DCLK1: variants seen among roughly 807,000 people sequenced by gnomAD.
DCLK1 encodes serine/threonine-protein kinase DCLK1.
In DCLK1, 16 loss-of-function variants were observed where a neutral mutation model predicts 86.2. That is an observed-to-expected ratio of 0.19 (90% confidence interval 0.13 to 0.28). The LOEUF (loss-of-function observed/expected upper bound fraction) is 0.28, where lower values mean the gene tolerates loss of function less well. Among genes scored for constraint, DCLK1 ranks in the 10% least tolerant of loss-of-function variants. The pLI is 1.00. For missense variants in DCLK1, 590 were observed against 940.2 expected (o/e 0.63, Z 4.87); for synonymous variants, 369 against 370.5 (o/e 1.00, Z 0.05).
chr13:35,812,301 G>C (rs149064648), intron 11 of DCLK1, among the ~76,000 whole-genome samples: 4 of 143,806 alleles, frequency 2.8e-5, no homozygotes, highest in African/African-American at 1.1e-4. Flanking sequence ...TAAAAGGCTA[G>C]TAATTCCAGC....
intron 4 of DCLK1, among the ~76,000 whole-genome samples, chr13:35,883,768 G>A (rs1873059654): frequency 6.6e-6 from 1 of 152,172 alleles, no homozygotes; most frequent in Non-Finnish European, 1.5e-5. Flanking sequence ...TGGAGATGAT[G>A]AGGAGATAGA....
intron 3 of DCLK1, among the ~76,000 whole-genome samples, chr13:36,081,291 T>TA (rs1463183599): frequency 6.6e-6 from 1 of 152,110 alleles, no homozygotes; most frequent in East Asian, 1.9e-4. Context: ...TACTGTCTAA[T>TA]ATCATGAAGG....
In DCLK1 at chr13:35,774,430, A is replaced by T; in HGVS notation, c.*105T>A. 3.0e-6 allele frequency: 4 copies of T among 1,338,282 alleles called. No individual in the cohort carries two copies. The highest frequency in any genetic ancestry group is 4.1e-6 in the Non-Finnish European group (4 of 987,316). 82.9% of individuals were successfully genotyped at this position (1,338,282 alleles called of 1,614,324 possible). A position where few individuals can be genotyped will look rare whatever the true frequency, so the allele number is the denominator to read the frequency against. On this transcript the variant is annotated 3_prime_UTR_variant, in exon 17 of 17. Transcript: ENST00000360631. ...ACACTTTCAGTTCTGCCATTCAAGC[A>T]TTGAGCGCTAGATAGATCAGATGAA...
chr13:35,940,207 CA>C, intron 4 of DCLK1, among the ~76,000 whole-genome samples: 1 of 126,434 alleles, frequency 7.9e-6, no homozygotes, highest in African/African-American at 3.4e-5. Flanking sequence ...GGTGACACAG[CA>C]AGAGTCTGTC....
intron 3 of DCLK1, among the ~76,000 whole-genome samples, chr13:36,071,891 T>C (rs997917765): frequency 6.6e-6 from 1 of 152,156 alleles, no homozygotes; most frequent in African/African-American, 2.4e-5. Context: ...TTGTAAAAGC[T>C]GAGAGCTTGC....
chr13:36,064,071 C>T (rs919680860), intron 3 of DCLK1, among the ~76,000 whole-genome samples: 1 of 152,078 alleles, frequency 6.6e-6, no homozygotes, highest in South Asian at 2.1e-4. Context: ...TAAAAGTAAG[C>T]GAACACTGGG....
At chr13:35,791,815 T>G (rs1251769493) in intron 16 of DCLK1, among the ~76,000 whole-genome samples, 2 of 152,180 alleles carry the variant, frequency 1.3e-5, no homozygotes, top group African/African-American at 4.8e-5. Flanking sequence ...CTGTAAGCCC[T>G]TAGCAGGAGA....
intron 4 of DCLK1, among the ~76,000 whole-genome samples, chr13:35,907,440 G>A (rs985165120): frequency 6.6e-6 from 1 of 151,272 alleles, no homozygotes; most frequent in African/African-American, 2.4e-5. Flanking sequence ...TAGGATTACA[G>A]GCCTAAGCCA....
At chr13:35,886,577 T>C (rs142747406) in intron 4 of DCLK1, among the ~76,000 whole-genome samples, 106 of 152,310 alleles carry the variant, frequency 7.0e-4, no homozygotes, top group Admixed American at 5.9e-4. Flanking sequence ...AGAAATTCAA[T>C]TAAGTGCTGC....
intron 4 of DCLK1, among the ~76,000 whole-genome samples, chr13:35,911,362 C>A (rs913656191): frequency 2.6e-5 from 4 of 151,880 alleles, no homozygotes; most frequent in African/African-American, 9.7e-5. Context: ...ACACTTGTAC[C>A]ATTGCTGCTC....
intron 4 of DCLK1, among the ~76,000 whole-genome samples, chr13:35,935,726 G>C (rs1566610170): frequency 3.3e-5 from 5 of 152,136 alleles, no homozygotes; most frequent in Admixed American, 2.0e-4. Flanking sequence ...TACCTCAAAG[G>C]GGGTACATTT....
intron 6 of DCLK1, chr13:35,849,244 G>C (rs1228415093): frequency 2.0e-6 from 2 of 984,668 alleles, no homozygotes; most frequent in Non-Finnish European, 2.4e-6. Context: ...GGTAAAATTT[G>C]CTAGTTGAAC....
At chr13:35,816,805 C>G (rs547273958) in intron 11 of DCLK1, among the ~76,000 whole-genome samples, 1 of 152,036 alleles carries the variant, frequency 6.6e-6, no homozygotes, top group African/African-American at 2.4e-5. Context: ...CCATATATAC[C>G]GTTTGGGTTT....
At position 36,074,905 on chromosome 13, in the gene DCLK1, C is replaced by T. The variant is rs545316178; in HGVS notation, c.723+36964G>A. 1.1e-4 allele frequency among the ~76,000 whole-genome samples: 17 copies of T among 152,294 alleles called. No homozygotes were observed. In the South Asian group the frequency reaches 3.5e-3, roughly 32 times the overall value. On this transcript the variant is annotated intron_variant, in intron 3 of 16. Coordinates refer to ENST00000360631, the MANE Select transcript of DCLK1 (RefSeq NM_001330071.2). Reference sequence around the variant, plus strand: ...GGGTTTCCAAGGAAACCAGAAAGCCCAATTTATAAAACTATGAAACAAAGC... The same window carrying T: ...GGGTTTCCAAGGAAACCAGAAAGCCTAATTTATAAAACTATGAAACAAAGC...
intron 4 of DCLK1, among the ~76,000 whole-genome samples, chr13:35,892,382 C>T (rs1212425104): frequency 1.3e-5 from 2 of 152,164 alleles, no homozygotes; most frequent in Non-Finnish European, 2.9e-5. Flanking sequence ...CAAGGTAAGT[C>T]GCCTTTCTCT....
chr13:35,791,131 T>C (rs1477312083), intron 16 of DCLK1, among the ~76,000 whole-genome samples: 4 of 152,210 alleles, frequency 2.6e-5, no homozygotes. Flanking sequence ...CTCTGAAATC[T>C]ACATTGATAT....
chr13:35,897,687 G>A (rs1405471704), intron 4 of DCLK1, among the ~76,000 whole-genome samples: 1 of 152,082 alleles, frequency 6.6e-6, no homozygotes, highest in Non-Finnish European at 1.5e-5. Context: ...GTGATGGTTG[G>A]GTAGAGGTCA....
intron 4 of DCLK1, among the ~76,000 whole-genome samples, chr13:35,930,414 C>G (rs566434917): frequency 1.3e-5 from 2 of 152,304 alleles, no homozygotes; most frequent in South Asian, 4.1e-4. Context: ...AATCTGTTGT[C>G]TTCCTCTGTA....
chr13:36,097,115 T>G (rs142711467), intron 3 of DCLK1, among the ~76,000 whole-genome samples: 2 of 152,176 alleles, frequency 1.3e-5, no homozygotes, highest in East Asian at 3.9e-4. Context: ...CACAAATGAC[T>G]TAGAAGGTAG....
Sources: allele counts gnomAD v4.1 joint callset (sites outside exome capture counted in the v4.1 genomes callset), GRCh38; gene constraint gnomAD v4.1.1; transcripts MANE v1.5; gene names NCBI Gene and HGNC (gene_info 2026-07-23, HGNC 2026-07-21).